Variants in SV2B observed in about 807,000 individuals in gnomAD.
SV2B encodes synaptic vesicle glycoprotein 2B.
In SV2B, 41 loss-of-function variants were observed where a neutral mutation model predicts 73.9. The ratio of observed to expected loss-of-function variants is 0.56; its 90% CI spans 0.43 to 0.72. The LOEUF is 0.72. SV2B is among the 30% of genes least tolerant of loss of function. SV2B has a pLI of 0.00. For missense variants in SV2B, 764 were observed against 857.8 expected (o/e 0.89, Z 1.37); for synonymous variants, 314 against 314.2 (o/e 1.00, Z 0.01).
chr15:91,165,905 A>C (rs2043895791), intron 1 of SV2B, among the ~76,000 whole-genome samples: 1 of 152,350 alleles, frequency 6.6e-6, no homozygotes, highest in East Asian at 1.9e-4. Context: ...AGAACTGCTG[A>C]AAACAAATTC....
chr15:91,290,895 T>A lies in SV2B; in HGVS notation c.1868+1215T>A, dbSNP rs1427351195. Among the ~76,000 whole-genome samples the A allele has an allele frequency of 6.6e-6, 1 of 151,990 alleles. No individual in the cohort carries two copies. Among genetic ancestry groups the A allele is most frequent in the Non-Finnish European group, 1.5e-5 (1 of 67,982 alleles). On this transcript the variant is annotated intron_variant, in intron 12 of 12. Transcript: ENST00000394232. The surrounding 1 kb of genome is among the most constrained non-coding windows in gnomAD (Gnocchi z 4.7). ...CAGGCATAGTGGCATGTGCCTGTAG[T>A]CCTAGCTGCTCAGGAGGCTGAGGGG...
intron 1 of SV2B, among the ~76,000 whole-genome samples, chr15:91,109,527 G>A (rs973874578): frequency 1.3e-5 from 2 of 152,160 alleles, no homozygotes; most frequent in African/African-American, 2.4e-5. Context: ...AACAGAACAC[G>A]TTAATGGATA....
At chr15:91,163,481 T>C (rs1284159191) in intron 1 of SV2B, among the ~76,000 whole-genome samples, 8 of 152,214 alleles carry the variant, frequency 5.3e-5, no homozygotes, top group African/African-American at 9.6e-5. Context: ...TGGTATCTCA[T>C]TGTGGTTTTG....
intron 2 of SV2B, among the ~76,000 whole-genome samples, chr15:91,235,836 T>C (rs2046758494): frequency 6.6e-6 from 1 of 152,176 alleles, no homozygotes; most frequent in Non-Finnish European, 1.5e-5. Context: ...GTGGAGCTTG[T>C]GTAGATTTTA....
At chr15:91,156,752 A>T (rs2043503913) in intron 1 of SV2B, among the ~76,000 whole-genome samples, 1 of 152,260 alleles carries the variant, frequency 6.6e-6, no homozygotes, top group Admixed American at 6.5e-5. Flanking sequence ...TCCCCAGAGT[A>T]ACTCAATATC....
chr15:91,173,980 G>A (rs959429907), intron 1 of SV2B, among the ~76,000 whole-genome samples: 1 of 152,200 alleles, frequency 6.6e-6, no homozygotes, highest in African/African-American at 2.4e-5. Context: ...CACTGCAACA[G>A]TACTCAAATC....
chr15:91,162,596 G>A (rs2043761337), intron 1 of SV2B, among the ~76,000 whole-genome samples: 1 of 152,086 alleles, frequency 6.6e-6, no homozygotes, highest in African/African-American at 2.4e-5. Context: ...TCTGCTCAGG[G>A]CATCACCAAG....
At chr15:91,271,922 T>C (rs1747287958) in intron 9 of SV2B, among the ~76,000 whole-genome samples, 1 of 152,232 alleles carries the variant, frequency 6.6e-6, no homozygotes. Flanking sequence ...ATTTAAGGTT[T>C]CGATGGAAAT....
At chr15:91,209,090 G>A (rs1320556389) in intron 1 of SV2B, among the ~76,000 whole-genome samples, 2 of 149,778 alleles carry the variant, frequency 1.3e-5, no homozygotes. Context: ...GTTACAATGA[G>A]TGACTGTGGC....
intron 4 of SV2B, among the ~76,000 whole-genome samples, chr15:91,256,288 C>G (rs1291075335): frequency 6.6e-6 from 1 of 151,810 alleles, no homozygotes; most frequent in Non-Finnish European, 1.5e-5. Flanking sequence ...AATTTAGGGC[C>G]CTGAAGATGT....
At chr15:91,260,086 C>T (rs182336083) in intron 5 of SV2B, among the ~76,000 whole-genome samples, 1 of 152,292 alleles carries the variant, frequency 6.6e-6, no homozygotes, top group East Asian at 1.9e-4. Flanking sequence ...TACTACCTAA[C>T]ATTTACACCT....
Position 91,258,114 on chromosome 15 carries a change from G to T in SV2B, c.785-307G>T, listed in dbSNP as rs1284435105. On this transcript the variant is annotated intron_variant, in intron 4 of 12. Transcript: ENST00000394232. The surrounding 1 kb of genome is among the most constrained non-coding windows in gnomAD (Gnocchi z 4.7). Reference sequence around the variant, plus strand: ...TGTTTCTGTTTGTACTCTTATCCGAGGCTCTGTAAATGTCAGGCCAGGCCT... The same window carrying T: ...TGTTTCTGTTTGTACTCTTATCCGATGCTCTGTAAATGTCAGGCCAGGCCT... 1.3e-5 allele frequency among the ~76,000 whole-genome samples: 2 copies of T among 152,172 alleles called. No homozygotes were observed. The highest frequency in any genetic ancestry group is 4.8e-5 in the African/African-American group (2 of 41,428).
At position 91,295,037 on chromosome 15, in the gene SV2B, A is replaced by G. The variant is rs759102315; in HGVS notation, c.*2485A>G. 4 of 152,670 alleles carry G rather than the reference A, an allele frequency of 2.6e-5. No homozygotes were observed. Among genetic ancestry groups the G allele is most frequent in the Non-Finnish European group, 5.9e-5 (4 of 68,054 alleles). 9.5% of individuals were successfully genotyped at this position (152,670 alleles called of 1,614,324 possible). A position where few individuals can be genotyped will look rare whatever the true frequency, so the allele number is the denominator to read the frequency against. ...CTCTGTGGCAGGTCACTGGGGGACA[A>G]TGTACAGCATTCTGGCCATCCACTT... On this transcript the variant is annotated 3_prime_UTR_variant, in exon 13 of 13. Coordinates refer to ENST00000394232, the MANE Select transcript of SV2B (RefSeq NM_001323032.3).
intron 1 of SV2B, among the ~76,000 whole-genome samples, chr15:91,156,629 T>A (rs1378030272): frequency 6.6e-6 from 1 of 152,212 alleles, no homozygotes; most frequent in Non-Finnish European, 1.5e-5. Context: ...TCATGGCCAT[T>A]GGCCTGGCTT....
At chr15:91,172,393 G>A (rs2044153010) in intron 1 of SV2B, among the ~76,000 whole-genome samples, 1 of 152,192 alleles carries the variant, frequency 6.6e-6, no homozygotes, top group South Asian at 2.1e-4. Flanking sequence ...CTAGGCACGG[G>A]GCCTACTGAG....
intron 4 of SV2B, among the ~76,000 whole-genome samples, chr15:91,255,045 G>A (rs1000350578): frequency 1.3e-5 from 2 of 152,172 alleles, no homozygotes; most frequent in Non-Finnish European, 2.9e-5. Flanking sequence ...TATGGGTAGG[G>A]TCAGTCCCAC....
At chr15:91,246,713 A>ACCT (rs3837743) in intron 2 of SV2B, among the ~76,000 whole-genome samples, 2,205 of 141,816 alleles carry the variant, frequency 0.016, 27 homozygotes, top group Admixed American at 0.03. Flanking sequence ...CCTCCTTTCA[A>ACCT]CCTCCTCCTC....
chr15:91,274,514 A>G lies in SV2B; in HGVS notation c.1373+5909A>G, dbSNP rs141928747. 3.6e-3 allele frequency among the ~76,000 whole-genome samples: 555 copies of G among 152,310 alleles called. 2 individuals carry two copies. Among genetic ancestry groups the G allele is most frequent in the Middle Eastern group, 0.01 (3 of 294 alleles). The stretch of plus-strand genomic sequence containing the variant: ...TGGTATTTGTATATTCAGGTGCGGT[A>G]GTTCTTGTTTTGAAAAATTATATTT... On this transcript the variant is annotated intron_variant, in intron 9 of 12. Transcript: ENST00000394232.
In SV2B at chr15:91,240,927, C is replaced by T. The variant is rs1314064705; in HGVS notation, c.452-10892C>T. 1.3e-5 allele frequency among the ~76,000 whole-genome samples: 2 copies of T among 152,162 alleles called. No individual in the cohort carries two copies. Among genetic ancestry groups the T allele is most frequent in the Admixed American group, 1.3e-4 (2 of 15,280 alleles). ...CTTGCTCCCCCTGGACATTTCCAGG[C>T]CATTCTCCCTCTCTCCTCACTAAAA... On this transcript the variant is annotated intron_variant, in intron 2 of 12. Coordinates refer to ENST00000394232, the MANE Select transcript of SV2B (RefSeq NM_001323032.3). This position sits in a 1 kb window ranked among gnomAD's most constrained non-coding sequence, Gnocchi z 4.6.
Sources: allele counts gnomAD v4.1 joint callset (sites outside exome capture counted in the v4.1 genomes callset), GRCh38; gene constraint gnomAD v4.1.1; non-coding constraint Gnocchi (gnomAD v3.1); transcripts MANE v1.5; gene names NCBI Gene and HGNC (gene_info 2026-07-23, HGNC 2026-07-21).